Variants in CSMD3 observed in about 807,000 individuals in gnomAD.
CSMD3 encodes CUB and sushi domain-containing protein 3.
CSMD3 carries 177 observed loss-of-function variants against 435.2 expected under a neutral mutation model. That is an observed-to-expected ratio of 0.41 (90% CI 0.36 to 0.46). The LOEUF (loss-of-function observed/expected upper bound fraction) is 0.46. CSMD3 is among the 20% of genes least tolerant of loss of function. The pLI is 0.34. For missense variants in CSMD3, 4,265 were observed against 4,504.6 expected, an observed-to-expected ratio of 0.95 and a Z score of 1.52; for synonymous variants, 1,656 against 1,520.5, an observed-to-expected ratio of 1.09 and a Z score of -2.07.
In CSMD3 at chr8:112,542,220, A is replaced by T. The variant is rs1476789565; in HGVS notation, c.4564+8451T>A. Among the ~76,000 whole-genome samples, 5 of 151,334 alleles carry T rather than the reference A, an allele frequency of 3.3e-5. No individual in the cohort carries two copies. In the South Asian group the frequency reaches 1.0e-3, roughly 32 times the overall value. On this transcript the variant is annotated intron_variant, in intron 27 of 70. Transcript: ENST00000297405. ...TCATACTGTCTGGAAAAAAAAAAAA[A>T]CTGAGAACTTTTCCTCCAAGATCAG...
chr8:112,752,271 C>T (rs1022422108), intron 13 of CSMD3, among the ~76,000 whole-genome samples: 6 of 152,134 alleles, frequency 3.9e-5, no homozygotes, highest in African/African-American at 9.7e-5. Flanking sequence ...TTACTAACTT[C>T]GGTATCACAG....
rs967490587 is a variant in CSMD3, at chr8:112,602,693, T to C, written c.3716-15458A>G. Among the ~76,000 whole-genome samples the C allele has an allele frequency of 4.3e-4, 65 of 151,844 alleles. 1 individual carries two copies. The highest frequency in any genetic ancestry group is 4.2e-3 in the Admixed American group (64 of 15,218). On this transcript the variant is annotated intron_variant, in intron 22 of 70. Coordinates refer to ENST00000297405, the MANE Select transcript of CSMD3 (RefSeq NM_198123.2). Reference sequence around the variant, plus strand: ...ATAACATAGTCAATTAATATATATTTAGTATGTTATATGTATTATATACTA... The same window carrying C: ...ATAACATAGTCAATTAATATATATTCAGTATGTTATATGTATTATATACTA...
At chr8:113,051,655 T>C (rs2088099209) in intron 5 of CSMD3, among the ~76,000 whole-genome samples, 1 of 152,192 alleles carries the variant, frequency 6.6e-6, no homozygotes. Flanking sequence ...ACAGCAAAAA[T>C]GCTACATTTG....
intron 7 of CSMD3, among the ~76,000 whole-genome samples, chr8:112,960,412 C>G (rs1223992118): frequency 2.0e-5 from 3 of 151,530 alleles, no homozygotes; most frequent in Non-Finnish European, 4.4e-5. Flanking sequence ...TCTGAGAAAA[C>G]AATACATCTT....
chr8:113,112,124 C>T (rs1032864842), intron 4 of CSMD3, among the ~76,000 whole-genome samples: 4 of 151,788 alleles, frequency 2.6e-5, no homozygotes, highest in Non-Finnish European at 5.9e-5. Context: ...AGTATATAAT[C>T]TTTTGGGGTT....
intron 31 of CSMD3, among the ~76,000 whole-genome samples, chr8:112,476,919 G>A (rs1017562249): frequency 2.0e-5 from 3 of 152,080 alleles, no homozygotes; most frequent in Non-Finnish European, 4.4e-5. Context: ...ATCACCACAA[G>A]TTCATACCAC....
In CSMD3 at chr8:112,802,547, G is replaced by A. The variant is rs546275780; in HGVS notation, c.1860-2273C>T. On this transcript the variant is annotated intron_variant, in intron 12 of 70. Coordinates refer to ENST00000297405, the MANE Select transcript of CSMD3 (RefSeq NM_198123.2). ...GCAATCTCCTTAGCAGATTTCCTAT[G>A]ATGCACATCACAGTTTGGTTTAATC... 5.0e-4 allele frequency among the ~76,000 whole-genome samples: 76 copies of A among 152,130 alleles called. No individual in the cohort carries two copies. In the Middle Eastern group the frequency reaches 0.014, roughly 27 times the overall value.
intron 32 of CSMD3, among the ~76,000 whole-genome samples, chr8:112,415,459 C>T (rs1811806405): frequency 6.6e-6 from 1 of 152,148 alleles, no homozygotes; most frequent in East Asian, 1.9e-4. Context: ...AAGTTTGCTG[C>T]AGGGTGGAGC....
intron 10 of CSMD3, among the ~76,000 whole-genome samples, chr8:112,873,588 A>T (rs1158233970): frequency 5.3e-5 from 8 of 152,058 alleles, no homozygotes; most frequent in Non-Finnish European, 1.0e-4. Flanking sequence ...ACAAGAAGTC[A>T]GCTTAAGGTA....
chr8:112,329,931 CACACACACATACAT>C (rs1823875505), intron 45 of CSMD3, among the ~76,000 whole-genome samples: 1 of 152,114 alleles, frequency 6.6e-6, no homozygotes, highest in Non-Finnish European at 1.5e-5. Context: ...CACACAAACA[CACACACACATACAT>C]ACACACACAT....
chr8:112,698,711 T>A (rs1273104967), intron 13 of CSMD3, among the ~76,000 whole-genome samples: 1 of 152,114 alleles, frequency 6.6e-6, no homozygotes, highest in South Asian at 2.1e-4. Context: ...TGAATAAAAT[T>A]TAAATGCATT....
intron 1 of CSMD3, among the ~76,000 whole-genome samples, chr8:113,421,564 C>A (rs1054141779): frequency 6.6e-6 from 1 of 151,964 alleles, no homozygotes; most frequent in Non-Finnish European, 1.5e-5. Context: ...TTTTTTGGGA[C>A]TCAGAAAACG....
At chr8:112,729,370 T>C (rs1055681021) in intron 13 of CSMD3, among the ~76,000 whole-genome samples, 6 of 152,116 alleles carry the variant, frequency 3.9e-5, no homozygotes, top group African/African-American at 1.2e-4. Flanking sequence ...GTTATTTTCC[T>C]AATACAGTGT....
At chr8:113,137,603 G>C (rs938276488) in intron 4 of CSMD3, among the ~76,000 whole-genome samples, 1 of 151,728 alleles carries the variant, frequency 6.6e-6, no homozygotes, top group East Asian at 1.9e-4. Flanking sequence ...TGCTTCCAAA[G>C]ATGGCACCTT....
intron 4 of CSMD3, among the ~76,000 whole-genome samples, chr8:113,113,655 C>T (rs1588097872): frequency 1.3e-5 from 2 of 152,142 alleles, no homozygotes; most frequent in East Asian, 1.9e-4. Context: ...GTTTCTGTCT[C>T]ACAATACTTG....
At chr8:112,558,733 T>C (rs1258942536) in intron 24 of CSMD3, among the ~76,000 whole-genome samples, 2 of 151,842 alleles carry the variant, frequency 1.3e-5, no homozygotes, top group Admixed American at 6.6e-5. Flanking sequence ...GAATTGGGTT[T>C]TGCATTACTG....
chr8:113,341,201 AT>A (rs2094116412), intron 1 of CSMD3, among the ~76,000 whole-genome samples: 1 of 152,182 alleles, frequency 6.6e-6, no homozygotes, highest in Admixed American at 6.5e-5. Flanking sequence ...GCATAAACAT[AT>A]AAGCATATGT....
chr8:113,262,659 G>A (rs899759208), intron 3 of CSMD3, among the ~76,000 whole-genome samples: 2 of 152,026 alleles, frequency 1.3e-5, no homozygotes, highest in African/African-American at 2.4e-5. Context: ...AACGGTCTTT[G>A]AGAAAGTCAT....
At chr8:113,086,824 C>T (rs1437970206) in intron 5 of CSMD3, among the ~76,000 whole-genome samples, 1 of 152,088 alleles carries the variant, frequency 6.6e-6, no homozygotes, top group Admixed American at 6.5e-5. Context: ...ATTGAGTTTT[C>T]AGTTTAAATC....
Sources: allele counts gnomAD v4.1 joint callset (sites outside exome capture counted in the v4.1 genomes callset), GRCh38; gene constraint gnomAD v4.1.1; transcripts MANE v1.5; gene names NCBI Gene and HGNC (gene_info 2026-07-23, HGNC 2026-07-21).